The following NCAM1 variants were observed in gnomAD, a reference collection of about 807,000 sequenced individuals.
NCAM1 encodes neural cell adhesion molecule 1.
Under a neutral mutation model 109.8 loss-of-function variants are expected in NCAM1, and 14 were observed. The ratio of observed to expected loss-of-function variants is 0.13; its 90% CI spans 0.08 to 0.20. The LOEUF (loss-of-function observed/expected upper bound fraction) is 0.20, where lower values mean the gene tolerates loss of function less well. Among genes scored for constraint, NCAM1 ranks in the 10% least tolerant of loss-of-function variants. The pLI is 1.00. For missense variants in NCAM1, 774 were observed against 1,109.9 expected, an observed-to-expected ratio of 0.70 and a Z score of 4.30; for synonymous variants, 418 against 442.9, an observed-to-expected ratio of 0.94 and a Z score of 0.70.
intron 1 of NCAM1, among the ~76,000 whole-genome samples, chr11:113,103,665 C>G (rs573204612): frequency 6.6e-6 from 1 of 152,072 alleles, no homozygotes; most frequent in Non-Finnish European, 1.5e-5. Context: ...GATGAAATGT[C>G]CACTTAGGAT....
chr11:113,042,627 A>G (rs138217325), intron 1 of NCAM1, among the ~76,000 whole-genome samples: 1 of 152,168 alleles, frequency 6.6e-6, no homozygotes, highest in African/African-American at 2.4e-5. Context: ...AGTGCTTTGC[A>G]TGGAATATAC....
chr11:113,246,166 T>C (rs1945497163), intron 14 of NCAM1: 1 of 568,204 alleles, frequency 1.8e-6, no homozygotes, highest in Non-Finnish European at 3.1e-6. Flanking sequence ...GCTAATTTAA[T>C]TTGATTTCTC....
At position 113,277,545 on chromosome 11, in the gene NCAM1, TCTG is replaced by T. The variant is rs1217051395; in HGVS notation, c.*2159_*2161del. 1.3e-5 allele frequency: 5 copies of T among 397,900 alleles called. No individual in the cohort carries two copies. In the Admixed American group the frequency reaches 1.3e-4, roughly 11 times the overall value. The allele number at this position is 397,900 out of a possible 1,614,324, so 24.6% of individuals were successfully genotyped here. ...GGCCCAGCAGTGAGGGGCAGGCTCT[TCTG>T]GTCACCAGGCTGTTCAGTGGACTCA... On this transcript the variant is annotated 3_prime_UTR_variant, in exon 20 of 20. Transcript: ENST00000316851.
intron 9 of NCAM1, among the ~76,000 whole-genome samples, chr11:113,229,537 G>T (rs1275791620): frequency 6.6e-6 from 1 of 152,128 alleles, no homozygotes; most frequent in African/African-American, 2.4e-5. Context: ...ATTCCTCAGG[G>T]ATCTAGAACT....
chr11:113,058,350 AG>A (rs1323804795), intron 1 of NCAM1, among the ~76,000 whole-genome samples: 1 of 152,138 alleles, frequency 6.6e-6, no homozygotes, highest in Non-Finnish European at 1.5e-5. Flanking sequence ...ATAAAGGAGA[AG>A]GGTGGTATGT....
intron 1 of NCAM1, among the ~76,000 whole-genome samples, chr11:113,031,585 G>C (rs553415085): frequency 3.0e-4 from 46 of 152,080 alleles, no homozygotes; most frequent in African/African-American, 1.1e-3. Flanking sequence ...CCAGCTACTC[G>C]GGAGGCTGAG....
At chr11:113,014,670 T>G (rs1260121315) in intron 1 of NCAM1, among the ~76,000 whole-genome samples, 1 of 152,262 alleles carries the variant, frequency 6.6e-6, no homozygotes, top group Non-Finnish European at 1.5e-5. Context: ...TAAGATGTTT[T>G]GACGGATAAG....
intron 1 of NCAM1, among the ~76,000 whole-genome samples, chr11:113,194,752 A>G (rs1555110513): frequency 6.6e-6 from 1 of 152,228 alleles, no homozygotes; most frequent in African/African-American, 2.4e-5. Context: ...GCAGCTTTCA[A>G]GAGGGGTTTC....
intron 14 of NCAM1, chr11:113,240,696 G>A (rs1945294771): frequency 8.3e-7 from 1 of 1,203,532 alleles, no homozygotes; most frequent in Non-Finnish European, 1.2e-6. Flanking sequence ...TCATACTGAT[G>A]CCCCAGGGTT....
Position 113,107,520 on chromosome 11 carries a change from T to A in NCAM1, c.53-94859T>A, listed in dbSNP as rs571336025. ...TTATAAAGAAAAAGATTTAACGGAGTCACAGTTCTAAGTGTCTGGGGAGAC... is the reference window on the plus strand; with the variant it reads ...TTATAAAGAAAAAGATTTAACGGAGACACAGTTCTAAGTGTCTGGGGAGAC... On this transcript the variant is annotated intron_variant, in intron 1 of 19. Transcript: ENST00000316851. Among the ~76,000 whole-genome samples the A allele has an allele frequency of 1.2e-3, 188 of 152,064 alleles. 1 individual carries two copies. The highest frequency in any genetic ancestry group is 1.9e-3 in the Non-Finnish European group (126 of 67,994).
At chr11:113,264,785 A>G (rs1220483431) in intron 17 of NCAM1, 2 of 985,380 alleles carry the variant, frequency 2.0e-6, no homozygotes, top group African/African-American at 3.5e-5. Context: ...CTCAGCTGAA[A>G]CAATGTCAGG....
intron 14 of NCAM1, 33 bp from the exon 15 acceptor site, chr11:113,246,335 G>T: frequency 1.4e-6 from 1 of 736,550 alleles, no homozygotes. Context: ...TGGCTTGCAT[G>T]GTGCTGATGA....
rs1223884376 is a variant in NCAM1 at position 113,224,289 on chromosome 11, C to T, written c.1089+2964C>T. ...AACGGCACACCAGGAGATTATATCC[C>T]GCGCATGGCTCAGAGGGTCCTACGC... is the stretch of plus-strand genomic sequence containing the variant. On this transcript the variant is annotated intron_variant, in intron 9 of 19. Coordinates refer to ENST00000316851, the MANE Select transcript of NCAM1 (RefSeq NM_181351.5). Among the ~76,000 whole-genome samples, 3 of 152,202 alleles carry T rather than the reference C, an allele frequency of 2.0e-5. No individual in the cohort carries two copies. The East Asian group carries it at 5.8e-4, about 29-fold the overall frequency.
At chr11:113,037,721 C>T (rs1320726864) in intron 1 of NCAM1, among the ~76,000 whole-genome samples, 2 of 152,118 alleles carry the variant, frequency 1.3e-5, no homozygotes, top group African/African-American at 2.4e-5. Context: ...TTTCCTTTTT[C>T]AATGCTGCGG....
At chr11:113,220,591 T>G (rs898311337) in intron 8 of NCAM1, among the ~76,000 whole-genome samples, 11 of 133,136 alleles carry the variant, frequency 8.3e-5, no homozygotes, top group African/African-American at 3.5e-4. Flanking sequence ...CTATTCTCTC[T>G]CTCTCTCTCT....
chr11:112,978,213 A>G (rs1951057419), intron 1 of NCAM1, among the ~76,000 whole-genome samples: 1 of 151,086 alleles, frequency 6.6e-6, no homozygotes, highest in Admixed American at 6.6e-5. Context: ...TGGAAATCTC[A>G]GGAGAGTTAA....
intron 1 of NCAM1, among the ~76,000 whole-genome samples, chr11:113,194,064 G>T (rs1269084145): frequency 1.3e-5 from 2 of 152,150 alleles, no homozygotes; most frequent in East Asian, 3.8e-4. Flanking sequence ...AGCCCCCATG[G>T]AACAGAGCCA....
intron 17 of NCAM1, chr11:113,265,118 CATT>C (rs1555124187): frequency 2.2e-5 from 22 of 985,354 alleles, no homozygotes; most frequent in Non-Finnish European, 2.7e-5. Context: ...AGAATGCTAA[CATT>C]GTTGTGTAGA....
At chr11:113,192,683 G>C (rs1431949626) in intron 1 of NCAM1, among the ~76,000 whole-genome samples, 2 of 152,174 alleles carry the variant, frequency 1.3e-5, no homozygotes, top group Non-Finnish European at 2.9e-5. Flanking sequence ...GACACAAAAA[G>C]AAAATGAGAC....
Sources: allele counts gnomAD v4.1 joint callset (sites outside exome capture counted in the v4.1 genomes callset), GRCh38; gene constraint gnomAD v4.1.1; transcripts MANE v1.5; gene names NCBI Gene and HGNC (gene_info 2026-07-23, HGNC 2026-07-21).